RBBP6: variants seen among roughly 807,000 people sequenced by gnomAD.
RBBP6 encodes RB binding protein 6, ubiquitin ligase.
RBBP6 carries 25 observed loss-of-function variants against 167.7 expected under a neutral mutation model. That is an observed-to-expected ratio of 0.15 (90% CI 0.11 to 0.21). RBBP6 has a LOEUF of 0.21. Among genes scored for constraint, RBBP6 ranks in the 10% least tolerant of loss-of-function variants. RBBP6 has a pLI of 1.00. For missense variants in RBBP6, 1,868 were observed against 2,134.2 expected, an observed-to-expected ratio of 0.88 and a Z score of 2.46; for synonymous variants, 789 against 735.8, an observed-to-expected ratio of 1.07 and a Z score of -1.17.
At chr16:24,547,046 T>C (rs1898673422) in intron 2 of RBBP6, among the ~76,000 whole-genome samples, 1 of 152,208 alleles carries the variant, frequency 6.6e-6, no homozygotes, top group African/African-American at 2.4e-5. Context: ...CTATAATATG[T>C]GAAAAGGGCA....
At position 24,559,446 on chromosome 16, in the gene RBBP6, T is replaced by C. The variant is rs145489419; in HGVS notation, c.675-59T>C. 1.1e-3 allele frequency: 1,565 copies of C among 1,390,128 alleles called. 7 individuals are homozygous for C. The highest frequency in any genetic ancestry group is 6.1e-4 in the Non-Finnish European group (618 of 1,012,210). The allele number at this position is 1,390,128 out of a possible 1,614,324, so 86.1% of individuals were successfully genotyped here. A position where few individuals can be genotyped will look rare whatever the true frequency, so the allele number is the denominator to read the frequency against. ...GTTCCCATTATGTTATAGTAGAACA[T>C]GTAGCATGAGTACTCTGCCTTCTTA... On this transcript the variant is annotated intron_variant, in intron 7 of 17. Coordinates refer to ENST00000319715, the MANE Select transcript of RBBP6 (RefSeq NM_006910.5).
intron 10 of RBBP6, 106 bp downstream of exon 10, chr16:24,562,267 C>T: frequency 1.9e-6 from 2 of 1,033,740 alleles, no homozygotes; most frequent in Non-Finnish European, 2.8e-6. Context: ...CCACTGTGCT[C>T]AGTAATGTGG....
chr16:24,571,062 T>A lies in RBBP6; in HGVS notation c.3996T>A (p.Asp1332Glu). The change falls in exon 18 of 18, where the codon GAT (aspartate) becomes GAA (glutamate). Residue 1332 changes from aspartate to glutamate, a missense_variant. Asp to Glu is a conservative substitution (Grantham distance 45, BLOSUM62 2). This residue lies in a region of RBBP6 where 591 missense variants were observed against 540.5 expected (regional missense o/e 1.09). Coordinates refer to ENST00000319715, the MANE Select transcript of RBBP6 (RefSeq NM_006910.5). Reference sequence around the variant, plus strand: ...ATGACTTTGAATCTGAAGAAGAAGATGTTAAATCCACACAGCCTATATCAA... The same window carrying A: ...ATGACTTTGAATCTGAAGAAGAAGAAGTTAAATCCACACAGCCTATATCAA... Reference protein sequence around the residue: ...DKDDFESEEEDVKSTQPISSV... With the variant: ...DKDDFESEEEEVKSTQPISSV... 6.2e-7 allele frequency: 1 copy of A among 1,611,732 alleles called. No homozygotes were observed. Among genetic ancestry groups the A allele is most frequent in the Non-Finnish European group, 8.5e-7 (1 of 1,178,050 alleles).
At position 24,546,252 on chromosome 16, in the gene RBBP6, A is replaced by G. The variant is rs772128281; in HGVS notation, c.256A>G (p.Thr86Ala). 1 of 1,577,938 alleles carries G rather than the reference A, an allele frequency of 6.3e-7. No homozygotes were observed. Among genetic ancestry groups the G allele is most frequent in the East Asian group, 2.3e-5 (1 of 43,804 alleles). ...TGGAGGTGTTAAATCTACAAGCAAG[A>G]CATATGTTATGTAAGTATCAAATCT... Reference protein sequence around the residue: ...PIGGVKSTSKTYVISRTEPAM... With the variant: ...PIGGVKSTSKAYVISRTEPAM... Residue 86 changes from threonine to alanine, a missense_variant, in exon 2 of 18, where the codon ACA (threonine) becomes GCA (alanine). This residue lies in a region of RBBP6 where 184 missense variants were observed against 327.7 expected (regional missense o/e 0.56). Transcript: ENST00000319715.
intron 1 of RBBP6, among the ~76,000 whole-genome samples, chr16:24,542,258 G>C (rs973123708): frequency 6.6e-6 from 1 of 152,116 alleles, no homozygotes; most frequent in Non-Finnish European, 1.5e-5. Context: ...CAGAACAGAT[G>C]GGTTTATAAG....
At chr16:24,558,509 A>G in intron 7 of RBBP6, 1 of 984,268 alleles carries the variant, frequency 1.0e-6, no homozygotes, top group African/African-American at 1.7e-5. Context: ...CTATGGAGCA[A>G]CTGCAACACA....
At chr16:24,555,544 G>A in intron 4 of RBBP6, 71 bp from the exon 5 acceptor site, 1 of 1,129,584 alleles carries the variant, frequency 8.9e-7, no homozygotes, top group Non-Finnish European at 1.3e-6. Context: ...CAGGATGAGT[G>A]GTGTTGTCTT....
intron 11 of RBBP6, 35 bp from the exon 12 acceptor site, chr16:24,563,388 T>TTA: frequency 2.8e-6 from 4 of 1,450,148 alleles, no homozygotes; most frequent in South Asian, 1.3e-5. Context: ...TTTTTTTTTT[T>TTA]AACTATTTCT....
chr16:24,560,784 G>C (rs1264005039), intron 8 of RBBP6, among the ~76,000 whole-genome samples: 1 of 152,188 alleles, frequency 6.6e-6, no homozygotes, highest in Non-Finnish European at 1.5e-5. Flanking sequence ...ATTATTTAAA[G>C]TATACTGGAG....
chr16:24,568,951 A>G lies in RBBP6; in HGVS notation c.2261A>G (p.His754Arg), dbSNP rs1279860502. 9 of 1,614,180 alleles carry G rather than the reference A, an allele frequency of 5.6e-6. No homozygotes were observed. Among genetic ancestry groups the G allele is most frequent in the Non-Finnish European group, 7.6e-6 (9 of 1,179,964 alleles). ...TCACGGTCTAGATCTCATGGATATC[A>G]TCGATCTAGGTCAAGGTCACCCCCT... is the stretch of plus-strand genomic sequence containing the variant. Reference protein sequence around the residue: ...YRSRSRSHGYHRSRSRSPPYR... With the variant: ...YRSRSRSHGYRRSRSRSPPYR... The change falls in exon 17 of 18, where the codon CAT (histidine) becomes CGT (arginine). Residue 754 changes from histidine to arginine, a missense_variant. Physicochemically the swap from His to Arg is conservative, Grantham distance 29. Transcript: ENST00000319715.
intron 8 of RBBP6, 167 bp downstream of exon 8, chr16:24,559,844 T>G: frequency 2.0e-6 from 1 of 505,386 alleles, no homozygotes; most frequent in African/African-American, 2.0e-5. Context: ...TGCTGTATCT[T>G]TTTTAAACAA....
intron 14 of RBBP6, 41 bp from the exon 15 acceptor site, chr16:24,567,102 T>G (rs1899212824): frequency 8.3e-6 from 13 of 1,569,590 alleles, no homozygotes; most frequent in Non-Finnish European, 1.1e-5. Context: ...CTCAGATGAC[T>G]TTAGTTTGAA....
At chr16:24,546,880 A>G (rs1004211001) in intron 2 of RBBP6, among the ~76,000 whole-genome samples, 3 of 152,236 alleles carry the variant, frequency 2.0e-5, no homozygotes, top group Admixed American at 2.0e-4. Context: ...TAAGAATTAA[A>G]TAGTGTCTGG....
At chr16:24,562,364 A>T (rs970405947) in intron 10 of RBBP6, among the ~76,000 whole-genome samples, 19 of 152,204 alleles carry the variant, frequency 1.2e-4, no homozygotes. Context: ...AAGCATCCTG[A>T]GGTCAAATAC....
In RBBP6 at chr16:24,572,487, G is replaced by A. The variant is rs1378207541; in HGVS notation, c.*42G>A. 6.7e-7 allele frequency: 1 copy of A among 1,486,924 alleles called. No individual in the cohort carries two copies. Among genetic ancestry groups the A allele is most frequent in the African/African-American group, 1.4e-5 (1 of 70,230 alleles). 92.1% of individuals were successfully genotyped at this position (1,486,924 alleles called of 1,614,324 possible). A position where few individuals can be genotyped will look rare whatever the true frequency, so the allele number is the denominator to read the frequency against. ...AATTGACTTAATTACTAAGTCATCTGTATTAAATTTTGTTATAATGTAAAG... is the reference window on the plus strand; with the variant it reads ...AATTGACTTAATTACTAAGTCATCTATATTAAATTTTGTTATAATGTAAAG... On this transcript the variant is annotated 3_prime_UTR_variant, in exon 18 of 18. Coordinates refer to ENST00000319715, the MANE Select transcript of RBBP6 (RefSeq NM_006910.5).
chr16:24,562,040 A>G lies in RBBP6; in HGVS notation c.1168A>G (p.Asn390Asp). 1 of 1,612,750 alleles carries G rather than the reference A, an allele frequency of 6.2e-7. No homozygotes were observed. The highest frequency in any genetic ancestry group is 2.2e-5 in the East Asian group (1 of 44,868). Residue 390 changes from asparagine (N) to aspartate (D), a missense_variant, in exon 10 of 18, where the codon AAT becomes GAT. Coordinates refer to ENST00000319715, the MANE Select transcript of RBBP6 (RefSeq NM_006910.5). The stretch of plus-strand genomic sequence containing the variant: ...TCCGTCTATATCTTCATTAACTTCT[A>G]ATCAGTCTTCCTTGGCCCCTCCTGT... ...PAPSISSLTSNQSSLAPPVSG... is the reference protein window; with the variant it reads ...PAPSISSLTSDQSSLAPPVSG...
At chr16:24,555,793 T>C in intron 5 of RBBP6, 28 bp from the exon 6 acceptor site, 1 of 1,584,988 alleles carries the variant, frequency 6.3e-7, no homozygotes. Flanking sequence ...AGTCCTCGTA[T>C]ACATGTAATT....
chr16:24,568,787 A>T lies in RBBP6; in HGVS notation c.2097A>T (p.Ser699=), dbSNP rs746254537. The part of the protein sequence containing the change: ...PYSGSSYSRS[S]YTYSKSRSGS... ...GTGGTTCTTCGTATTCAAGAAGTTC[A>T]TATACTTATTCTAAATCAAGATCTG... Residue 699 remains serine, a synonymous_variant, in exon 17 of 18, where the codon TCA becomes TCT. Coordinates refer to ENST00000319715, the MANE Select transcript of RBBP6 (RefSeq NM_006910.5). 1 of 1,614,084 alleles carries T rather than the reference A, an allele frequency of 6.2e-7. No homozygotes were observed. Among genetic ancestry groups the T allele is most frequent in the Non-Finnish European group, 8.5e-7 (1 of 1,180,048 alleles).
intron 4 of RBBP6, 76 bp downstream of exon 4, chr16:24,553,633 AAG>A: frequency 8.1e-7 from 1 of 1,231,194 alleles, no homozygotes; most frequent in Non-Finnish European, 1.1e-6. Context: ...ACGGTTTTTT[AAG>A]AGGGGTTGGG....
Sources: allele counts gnomAD v4.1 joint callset (sites outside exome capture counted in the v4.1 genomes callset), GRCh38; gene constraint gnomAD v4.1.1; regional missense constraint gnomAD v4.1.1; transcripts MANE v1.5; gene names NCBI Gene and HGNC (gene_info 2026-07-23, HGNC 2026-07-21).